The following CDH20 variants were observed in gnomAD, a reference collection of about 807,000 sequenced individuals.
CDH20 encodes cadherin-20.
A neutral mutation model predicts 74.2 loss-of-function variants in CDH20; 29 were observed. The observed-to-expected ratio is 0.39, with a 90% CI of 0.29 to 0.53. CDH20 has a LOEUF of 0.53. Among genes scored for constraint, CDH20 ranks in the 20% least tolerant of loss-of-function variants. The pLI, the probability that CDH20 is intolerant of heterozygous loss-of-function variation, is 0.69. For synonymous variants in CDH20, 469 were observed against 405.4 expected, an observed-to-expected ratio of 1.16 and a Z score of -1.88; for missense variants, 988 against 1,048.3, an observed-to-expected ratio of 0.94 and a Z score of 0.79.
At chr18:61,536,963 T>C (rs1751879166) in intron 8 of CDH20, among the ~76,000 whole-genome samples, 1 of 152,112 alleles carries the variant, frequency 6.6e-6, no homozygotes, top group Non-Finnish European at 1.5e-5. Flanking sequence ...ACAAAGAGTA[T>C]AAAATATTAC....
intron 2 of CDH20, among the ~76,000 whole-genome samples, chr18:61,496,316 C>T (rs1286858891): frequency 7.0e-6 from 1 of 143,788 alleles, no homozygotes; most frequent in Non-Finnish European, 1.5e-5. Flanking sequence ...TTCTCTCCCC[C>T]TCTTCCCCTG....
intron 1 of CDH20, among the ~76,000 whole-genome samples, chr18:61,431,122 G>A (rs1196323205): frequency 6.6e-6 from 1 of 152,096 alleles, no homozygotes; most frequent in Non-Finnish European, 1.5e-5. Context: ...GACTCATCCA[G>A]CACCACATAG....
At chr18:61,403,972 A>G (rs1889081703) in intron 1 of CDH20, among the ~76,000 whole-genome samples, 1 of 152,208 alleles carries the variant, frequency 6.6e-6, no homozygotes, top group African/African-American at 2.4e-5. Flanking sequence ...TCTGCAGACT[A>G]ACGTGGGAAC....
intron 1 of CDH20, among the ~76,000 whole-genome samples, chr18:61,460,828 T>C (rs1159172405): frequency 6.6e-6 from 1 of 152,224 alleles, no homozygotes; most frequent in Non-Finnish European, 1.5e-5. Flanking sequence ...TTAGATGTCC[T>C]AGACACAAAT....
intron 1 of CDH20, among the ~76,000 whole-genome samples, chr18:61,455,651 G>T (rs1342576560): frequency 6.6e-6 from 1 of 152,076 alleles, no homozygotes; most frequent in Non-Finnish European, 1.5e-5. Flanking sequence ...CTTCAATATG[G>T]CTATTTATAA....
chr18:61,463,175 A>T (rs1909845090), intron 1 of CDH20, among the ~76,000 whole-genome samples: 1 of 151,908 alleles, frequency 6.6e-6, no homozygotes, highest in South Asian at 2.1e-4. Flanking sequence ...CCCCTCTGGG[A>T]TCCTTCTCGC....
In CDH20 at chr18:61,492,901, G is replaced by A. The variant is rs78662474; in HGVS notation, c.246+2102G>A. Among the ~76,000 whole-genome samples the A allele has an allele frequency of 5.6e-3, 858 of 152,336 alleles. 11 individuals are homozygous for A. The highest frequency in any genetic ancestry group is 0.019 in the African/African-American group (798 of 41,568). On this transcript the variant is annotated intron_variant, in intron 2 of 11. Transcript: ENST00000262717. ...TTATCTTATAGAAGGTGCTCAAGAT[G>A]ACATTTAATAAATGAATGTCTCACT...
chr18:61,455,224 G>A (rs570685565), intron 1 of CDH20, among the ~76,000 whole-genome samples: 1 of 152,312 alleles, frequency 6.6e-6, no homozygotes, highest in Non-Finnish European at 1.5e-5. Flanking sequence ...GATTAGAGGA[G>A]ACTAAAGAGC....
At chr18:61,393,923 T>C (rs373794930) in intron 1 of CDH20, among the ~76,000 whole-genome samples, 12 of 152,150 alleles carry the variant, frequency 7.9e-5, no homozygotes, top group African/African-American at 2.9e-4. Flanking sequence ...TAAGATTCCT[T>C]ACCTGCAAAA....
At chr18:61,457,598 T>G (rs542593435) in intron 1 of CDH20, among the ~76,000 whole-genome samples, 54 of 152,336 alleles carry the variant, frequency 3.5e-4, no homozygotes, top group Admixed American at 1.2e-3. Flanking sequence ...GCCTTTTGAC[T>G]GGATGACACT....
chr18:61,541,026 A>C (rs1437750730), intron 9 of CDH20, among the ~76,000 whole-genome samples: 1 of 152,206 alleles, frequency 6.6e-6, no homozygotes, highest in African/African-American at 2.4e-5. Context: ...TTTCTAGTCT[A>C]CTAAGACCTG....
intron 1 of CDH20, among the ~76,000 whole-genome samples, chr18:61,381,147 A>G (rs1911421953): frequency 6.6e-6 from 1 of 152,180 alleles, no homozygotes; most frequent in African/African-American, 2.4e-5. Flanking sequence ...ATCACACTTA[A>G]AGAAGAAATT....
intron 2 of CDH20, among the ~76,000 whole-genome samples, chr18:61,495,527 A>G (rs1911106168): frequency 1.3e-5 from 2 of 152,232 alleles, no homozygotes; most frequent in Admixed American, 1.3e-4. Flanking sequence ...AGGCAGGAGG[A>G]GGGAGGAGTG....
chr18:61,507,276 A>T, intron 5 of CDH20, 97 bp from the exon 6 acceptor site: 1 of 1,199,578 alleles, frequency 8.3e-7, no homozygotes, highest in Non-Finnish European at 1.2e-6. Flanking sequence ...AACCCAGAAA[A>T]AAAGATATTT....
At chr18:61,508,399 G>A (rs1259844976) in intron 6 of CDH20, among the ~76,000 whole-genome samples, 1 of 152,122 alleles carries the variant, frequency 6.6e-6, no homozygotes, top group East Asian at 1.9e-4. Flanking sequence ...TTATTAGAAG[G>A]TAATAACTGA....
intron 1 of CDH20, among the ~76,000 whole-genome samples, chr18:61,413,008 TAAC>T (rs1024070097): frequency 6.6e-6 from 1 of 152,142 alleles, no homozygotes; most frequent in South Asian, 2.1e-4. Flanking sequence ...AGTGAAAGCT[TAAC>T]AACAACAAAA....
At chr18:61,450,132 A>G (rs1909332677) in intron 1 of CDH20, among the ~76,000 whole-genome samples, 1 of 152,076 alleles carries the variant, frequency 6.6e-6, no homozygotes, top group Non-Finnish European at 1.5e-5. Flanking sequence ...TACCAGGCAC[A>G]TTATTTTACT....
At chr18:61,482,445 G>A (rs988915664) in intron 1 of CDH20, among the ~76,000 whole-genome samples, 2 of 152,072 alleles carry the variant, frequency 1.3e-5, no homozygotes, top group African/African-American at 2.4e-5. Context: ...TGTTTCAGAC[G>A]TCTGGCCAAT....
chr18:61,432,345 A>G (rs1229351752), intron 1 of CDH20, among the ~76,000 whole-genome samples: 3 of 151,546 alleles, frequency 2.0e-5, no homozygotes, highest in Middle Eastern at 3.2e-3. Context: ...TCTCCCACAC[A>G]TATTTCCCAG....
Sources: allele counts gnomAD v4.1 joint callset (sites outside exome capture counted in the v4.1 genomes callset), GRCh38; gene constraint gnomAD v4.1.1; transcripts MANE v1.5; gene names NCBI Gene and HGNC (gene_info 2026-07-23, HGNC 2026-07-21).